ZNF385D: variants seen among roughly 807,000 people sequenced by gnomAD.
ZNF385D encodes zinc finger protein 385D, also known as zinc finger protein 659.
ZNF385D carries 15 observed loss-of-function variants against 35.8 expected under a neutral mutation model. The observed-to-expected ratio is 0.42, with a 90% CI of 0.28 to 0.64. The LOEUF (loss-of-function observed/expected upper bound fraction) is 0.64. ZNF385D is among the 30% of genes least tolerant of loss of function. ZNF385D has a pLI of 0.23. For synonymous variants in ZNF385D, 212 were observed against 186.8 expected (o/e 1.13, Z -1.10); for missense variants, 474 against 494.6 (o/e 0.96, Z 0.39).
At chr3:22,160,886 T>G (rs1444278386) in intron 3 of ZNF385D, among the ~76,000 whole-genome samples, 2 of 152,094 alleles carry the variant, frequency 1.3e-5, no homozygotes, top group Non-Finnish European at 2.9e-5. Context: ...AACAACAGCT[T>G]AAACTATGTT....
Position 22,111,152 on chromosome 3 carries a change from ATTTT to A in ZNF385D, c.325+57661_325+57664del, listed in dbSNP as rs61708178. Among the ~76,000 whole-genome samples, 16 of 68,976 alleles carry A rather than the reference ATTTT, an allele frequency of 2.3e-4. No individual in the cohort carries two copies. In the East Asian group the frequency reaches 5.2e-3, roughly 22 times the overall value. 45.3% of individuals were successfully genotyped at this position (68,976 alleles called of 152,430 possible). A position where few individuals can be genotyped will look rare whatever the true frequency, so the allele number is the denominator to read the frequency against. The stretch of plus-strand genomic sequence containing the variant: ...GTAACATATTGAGGCTCCATGTTGG[ATTTT>A]TTTTTTTTTTTTTTTTTTTTGTTTT... On this transcript the variant is annotated intron_variant, in intron 3 of 5. Transcript: ENST00000494108.
chr3:22,117,723 A>C (rs889554869), intron 3 of ZNF385D, among the ~76,000 whole-genome samples: 2 of 152,050 alleles, frequency 1.3e-5, no homozygotes, highest in African/African-American at 4.8e-5. Context: ...ATTATTAATA[A>C]TGATTAAAAA....
intron 3 of ZNF385D, among the ~76,000 whole-genome samples, chr3:21,996,511 G>A (rs956612222): frequency 3.3e-5 from 5 of 152,140 alleles, no homozygotes; most frequent in Admixed American, 1.3e-4. Flanking sequence ...TAAATGACGG[G>A]TGCCATCTAG....
At chr3:21,745,697 G>A (rs937891229) in intron 1 of ZNF385D, among the ~76,000 whole-genome samples, 2 of 152,204 alleles carry the variant, frequency 1.3e-5, no homozygotes, top group Non-Finnish European at 2.9e-5. Context: ...AGAGGGCAGG[G>A]ACTATGACCT....
At chr3:21,530,112 C>T (rs2061889427) in intron 3 of ZNF385D, among the ~76,000 whole-genome samples, 1 of 152,144 alleles carries the variant, frequency 6.6e-6, no homozygotes, top group African/African-American at 2.4e-5. Flanking sequence ...CTCACTTCCT[C>T]TCTTGCCATG....
intron 2 of ZNF385D, among the ~76,000 whole-genome samples, chr3:21,621,294 T>C (rs1317943946): frequency 6.6e-6 from 1 of 152,130 alleles, no homozygotes; most frequent in Non-Finnish European, 1.5e-5. Flanking sequence ...TTCTAAGTCC[T>C]ATTAAAGTAA....
At chr3:21,628,292 C>T (rs554776191) in intron 2 of ZNF385D, among the ~76,000 whole-genome samples, 17 of 152,196 alleles carry the variant, frequency 1.1e-4, no homozygotes, top group Non-Finnish European at 2.1e-4. Context: ...AAGCAACAAT[C>T]TTGCTTTTCA....
chr3:21,518,692 C>A (rs1347232370), intron 3 of ZNF385D, among the ~76,000 whole-genome samples: 2 of 152,022 alleles, frequency 1.3e-5, no homozygotes, highest in African/African-American at 4.8e-5. Flanking sequence ...AATTACCTAG[C>A]CAACAGGCAA....
chr3:22,339,098 T>TGCAC (rs764273003), intron 2 of ZNF385D, among the ~76,000 whole-genome samples: 1 of 152,230 alleles, frequency 6.6e-6, no homozygotes, highest in Non-Finnish European at 1.5e-5. Flanking sequence ...CACACATACA[T>TGCAC]GCACATTTTA....
At chr3:22,032,573 T>C (rs2125484185) in intron 3 of ZNF385D, among the ~76,000 whole-genome samples, 1 of 152,202 alleles carries the variant, frequency 6.6e-6, no homozygotes, top group Middle Eastern at 3.4e-3. Flanking sequence ...TCCCTATATA[T>C]ATGGTCCTAA....
intron 3 of ZNF385D, among the ~76,000 whole-genome samples, chr3:21,865,456 G>A (rs1697295841): frequency 1.3e-5 from 2 of 152,066 alleles, no homozygotes; most frequent in South Asian, 4.1e-4. Context: ...CATTTTGAAT[G>A]GGTCCAGGGG....
At position 22,336,909 on chromosome 3, in the gene ZNF385D, C is replaced by CAA. The variant is rs59822476; in HGVS notation, c.106+35539_106+35540dup. Among the ~76,000 whole-genome samples the CAA allele has an allele frequency of 5.4e-3, 258 of 47,936 alleles. 57 individuals carry two copies. The highest frequency in any genetic ancestry group is 0.011 in the East Asian group (15 of 1,364). The allele number at this position is 47,936 out of a possible 152,430, so 31.4% of individuals were successfully genotyped here. ...AACCACTATGCAAACAGTGATTTTT[C>CAA]AAAAAAAAAAAAAAAAAAAAAAAAA... On this transcript the variant is annotated intron_variant, in intron 2 of 5. Coordinates refer to the ZNF385D transcript ENST00000494108.
chr3:22,358,248 A>C (rs967342592), intron 2 of ZNF385D, among the ~76,000 whole-genome samples: 5 of 151,942 alleles, frequency 3.3e-5, no homozygotes, highest in Non-Finnish European at 5.9e-5. Context: ...AAGACAAAGC[A>C]TAGATACTGC....
At chr3:22,092,497 T>C (rs1048294872) in intron 3 of ZNF385D, among the ~76,000 whole-genome samples, 1 of 152,162 alleles carries the variant, frequency 6.6e-6, no homozygotes, top group African/African-American at 2.4e-5. Flanking sequence ...ACTGATATCT[T>C]CCTGAGTACT....
At chr3:22,241,566 T>A (rs2125314430) in intron 2 of ZNF385D, among the ~76,000 whole-genome samples, 1 of 151,350 alleles carries the variant, frequency 6.6e-6, no homozygotes, top group African/African-American at 2.4e-5. Context: ...CTTCAGGCTT[T>A]GGATTTATTA....
At chr3:22,142,615 T>C (rs80035618) in intron 3 of ZNF385D, among the ~76,000 whole-genome samples, 3,864 of 152,182 alleles carry the variant, frequency 0.025, 179 homozygotes, top group African/African-American at 0.088. Context: ...TCCGCACAGA[T>C]TGTGTTAATG....
At chr3:21,990,642 A>G (rs1344595494) in intron 3 of ZNF385D, among the ~76,000 whole-genome samples, 1 of 152,348 alleles carries the variant, frequency 6.6e-6, no homozygotes, top group South Asian at 2.1e-4. Context: ...TGGCACAGGG[A>G]TACTAGAATA....
chr3:21,773,952 G>T (rs1442306411), intron 3 of ZNF385D, among the ~76,000 whole-genome samples: 1 of 151,882 alleles, frequency 6.6e-6, no homozygotes, highest in African/African-American at 2.4e-5. Flanking sequence ...TCATTCTATT[G>T]TAAAGATACA....
chr3:22,239,116 A>C (rs778241804), intron 2 of ZNF385D, among the ~76,000 whole-genome samples: 5 of 151,034 alleles, frequency 3.3e-5, no homozygotes, highest in Non-Finnish European at 2.9e-5. Context: ...CAAAAACCTA[A>C]GACAAAAATA....
Sources: allele counts gnomAD v4.1 joint callset (sites outside exome capture counted in the v4.1 genomes callset), GRCh38; gene constraint gnomAD v4.1.1; transcripts MANE v1.5; gene names NCBI Gene and HGNC (gene_info 2026-07-23, HGNC 2026-07-21).